MSH3: variants seen among roughly 807,000 people sequenced by gnomAD.
The protein encoded by MSH3 is mutS homolog 3, also known as DNA mismatch repair protein Msh3.
Under a neutral mutation model 123.3 loss-of-function variants are expected in MSH3, and 106 were observed. The ratio of observed to expected loss-of-function variants is 0.86; its 90% CI spans 0.73 to 1.01. The LOEUF (loss-of-function observed/expected upper bound fraction) is 1.01, where lower values mean the gene tolerates loss of function less well. Among genes scored for constraint, MSH3 ranks in the 50% least tolerant of loss-of-function variants. The pLI is 0.00. For synonymous variants in MSH3, 515 were observed against 481.4 expected (o/e 1.07, Z -0.91); for missense variants, 1,459 against 1,347.6 (o/e 1.08, Z -1.29).
chr5:80,824,889 C>T (rs1745266605), intron 20 of MSH3, among the ~76,000 whole-genome samples: 1 of 152,078 alleles, frequency 6.6e-6, no homozygotes, highest in Non-Finnish European at 1.5e-5. Context: ...TTTCTTTAAC[C>T]TCTGAGAGCT....
At chr5:80,707,591 A>G (rs1750753126) in intron 8 of MSH3, among the ~76,000 whole-genome samples, 1 of 151,952 alleles carries the variant, frequency 6.6e-6, no homozygotes. Context: ...AAAAAGCCAG[A>G]TGTGGTGGCA....
chr5:80,813,135 T>C (rs1745038242), intron 19 of MSH3, among the ~76,000 whole-genome samples: 1 of 152,260 alleles, frequency 6.6e-6, no homozygotes, highest in Non-Finnish European at 1.5e-5. Flanking sequence ...TTTGATGTTA[T>C]ATCTTTTAGT....
intron 20 of MSH3, among the ~76,000 whole-genome samples, chr5:80,836,859 A>G (rs978549168): frequency 1.3e-5 from 2 of 152,224 alleles, no homozygotes; most frequent in South Asian, 2.1e-4. Context: ...CTGCGGTTGC[A>G]GATACGGAGA....
chr5:80,670,658 T>G (rs1033426000), intron 4 of MSH3, among the ~76,000 whole-genome samples: 1 of 152,358 alleles, frequency 6.6e-6, no homozygotes, highest in Non-Finnish European at 1.5e-5. Context: ...GAAAACATTT[T>G]TGAGATGTAT....
chr5:80,768,920 G>T lies in MSH3; in HGVS notation c.2170G>T (p.Asp724Tyr), dbSNP rs753738812. ...GAAGGATGAAATTCAAGGTGTTATTGACGAGATCCGAATGCATTTGCAAGA... is the reference window on the plus strand; with the variant it reads ...GAAGGATGAAATTCAAGGTGTTATTTACGAGATCCGAATGCATTTGCAAGA... ...KRKDEIQGVI[D>Y]EIRMHLQEIR... The change falls in exon 15 of 24, where the codon GAC (aspartate) becomes TAC (tyrosine). Residue 724 changes from aspartate (D) to tyrosine (Y), a missense_variant. Asp to Tyr is a radical substitution (Grantham distance 160). Coordinates refer to ENST00000265081, the MANE Select transcript of MSH3 (RefSeq NM_002439.5). 6.2e-7 allele frequency: 1 copy of T among 1,612,796 alleles called. No individual in the cohort carries two copies. The highest frequency in any genetic ancestry group is 8.5e-7 in the Non-Finnish European group (1 of 1,179,058).
chr5:80,835,688 G>T (rs1745495295), intron 20 of MSH3, among the ~76,000 whole-genome samples: 1 of 152,178 alleles, frequency 6.6e-6, no homozygotes, highest in African/African-American at 2.4e-5. Context: ...CCTGAGGTGG[G>T]TGGATGACTT....
At chr5:80,765,227 C>T (rs1744102967) in intron 13 of MSH3, among the ~76,000 whole-genome samples, 1 of 152,150 alleles carries the variant, frequency 6.6e-6, no homozygotes. Flanking sequence ...GAAAATTAAT[C>T]ATTTTCTTGG....
chr5:80,655,962 C>G (rs1168546228), intron 1 of MSH3, among the ~76,000 whole-genome samples: 1 of 152,122 alleles, frequency 6.6e-6, no homozygotes, highest in East Asian at 1.9e-4. Context: ...GAACATAAAC[C>G]TTTTAAACAG....
At chr5:80,733,966 AG>A (rs1743459515) in intron 10 of MSH3, among the ~76,000 whole-genome samples, 1 of 152,204 alleles carries the variant, frequency 6.6e-6, no homozygotes, top group African/African-American at 2.4e-5. Flanking sequence ...ACTTAAGACA[AG>A]GAAAATATGA....
At chr5:80,809,028 C>T (rs1744956934) in intron 19 of MSH3, among the ~76,000 whole-genome samples, 2 of 151,242 alleles carry the variant, frequency 1.3e-5, no homozygotes, top group South Asian at 4.2e-4. Flanking sequence ...TAGTTCATTT[C>T]TTCTGTTTCA....
In MSH3 at chr5:80,654,816, C is replaced by T. The variant is rs1580537891; in HGVS notation, c.89C>T (p.Ser30Phe). 6.2e-7 allele frequency: 1 copy of T among 1,606,392 alleles called. No individual in the cohort carries two copies. The highest frequency in any genetic ancestry group is 8.5e-7 in the Non-Finnish European group (1 of 1,177,278). The change falls in exon 1 of 24, where the codon TCT (serine) becomes TTT (phenylalanine). Residue 30 changes from serine (S) to phenylalanine (F), a missense_variant. Coordinates refer to ENST00000265081, the MANE Select transcript of MSH3 (RefSeq NM_002439.5). ...GCGGTTTTGAGCCGATTCTTCCAGT[C>T]TACGGGAAGCCTGAAATCCACCTCC... ...RQAVLSRFFQSTGSLKSTSSS... is the reference protein window; with the variant it reads ...RQAVLSRFFQFTGSLKSTSSS...
chr5:80,739,991 T>TA (rs1743582490), intron 10 of MSH3, among the ~76,000 whole-genome samples: 1 of 152,348 alleles, frequency 6.6e-6, no homozygotes, highest in Admixed American at 6.5e-5. Flanking sequence ...CACAAACACT[T>TA]ATGCCTTTCT....
chr5:80,776,739 G>C (rs751238374), intron 16 of MSH3, among the ~76,000 whole-genome samples: 3 of 151,500 alleles, frequency 2.0e-5, no homozygotes, highest in Non-Finnish European at 4.4e-5. Flanking sequence ...GCACAAACAT[G>C]AGATGAAAAT....
intron 19 of MSH3, among the ~76,000 whole-genome samples, chr5:80,810,456 A>G (rs537980889): frequency 7.2e-5 from 11 of 152,186 alleles, no homozygotes; most frequent in Non-Finnish European, 7.4e-5. Flanking sequence ...TAAAAGAGGA[A>G]TTGCTGGGTC....
intron 19 of MSH3, among the ~76,000 whole-genome samples, chr5:80,807,190 C>CA (rs34405208): frequency 0.47 from 42,813 of 91,208 alleles, 9,268 homozygotes; most frequent in South Asian, 0.53. Flanking sequence ...TACCCTGTCT[C>CA]AAAAAAAAAA....
intron 8 of MSH3, among the ~76,000 whole-genome samples, chr5:80,684,769 C>T (rs947025547): frequency 6.6e-6 from 1 of 152,084 alleles, no homozygotes; most frequent in Non-Finnish European, 1.5e-5. Context: ...CAATATTTCT[C>T]AATTCAGTAT....
chr5:80,700,883 T>C (rs1196431518), intron 8 of MSH3, among the ~76,000 whole-genome samples: 2 of 152,160 alleles, frequency 1.3e-5, no homozygotes, highest in Admixed American at 1.3e-4. Flanking sequence ...AGAGACCTCC[T>C]AAAGTGGGGC....
intron 19 of MSH3, among the ~76,000 whole-genome samples, chr5:80,795,962 C>G (rs1580055315): frequency 6.9e-6 from 1 of 144,370 alleles, no homozygotes; most frequent in Non-Finnish European, 1.5e-5. Context: ...CCAGCCTGAG[C>G]AACAGAGTGA....
At chr5:80,740,507 G>A (rs762498518) in intron 10 of MSH3, among the ~76,000 whole-genome samples, 2 of 151,624 alleles carry the variant, frequency 1.3e-5, no homozygotes, top group Non-Finnish European at 2.9e-5. Flanking sequence ...ACAGGCGTGC[G>A]CCACTACACC....
Sources: allele counts gnomAD v4.1 joint callset (sites outside exome capture counted in the v4.1 genomes callset), GRCh38; gene constraint gnomAD v4.1.1; transcripts MANE v1.5; gene names NCBI Gene and HGNC (gene_info 2026-07-23, HGNC 2026-07-21).